Variants in CNIH3 observed in about 807,000 individuals in gnomAD.
CNIH3 encodes protein cornichon homolog 3.
In CNIH3, 14 loss-of-function variants were observed where a neutral mutation model predicts 24.1. That is an observed-to-expected ratio of 0.58 (90% CI 0.38 to 0.91). The LOEUF (loss-of-function observed/expected upper bound fraction) is 0.91, where lower values mean the gene tolerates loss of function less well. Among genes scored for constraint, CNIH3 ranks in the 40% least tolerant of loss-of-function variants. The pLI is 0.00. For missense variants in CNIH3, 178 were observed against 196.8 expected (o/e 0.90, Z 0.57); for synonymous variants, 68 against 73.8 (o/e 0.92, Z 0.40).
At chr1:224,506,893 G>T (rs574082269) in intron 1 of CNIH3, among the ~76,000 whole-genome samples, 88 of 151,830 alleles carry the variant, frequency 5.8e-4, no homozygotes, top group African/African-American at 1.9e-3. Flanking sequence ...TTGAGACAGG[G>T]TCTCTGTCTC....
At chr1:224,577,524 A>G (rs536543750) in intron 4 of CNIH3, among the ~76,000 whole-genome samples, 72 of 152,274 alleles carry the variant, frequency 4.7e-4, no homozygotes, top group Non-Finnish European at 7.1e-4. Flanking sequence ...TTACTCCTGC[A>G]TTTGAATGGC....
chr1:224,718,154 GATA>G (rs1186054311), intron 3 of CNIH3, among the ~76,000 whole-genome samples: 1 of 152,122 alleles, frequency 6.6e-6, no homozygotes, highest in African/African-American at 2.4e-5. Context: ...TACATTTTCA[GATA>G]ATGATGCTGA....
At chr1:224,463,796 T>TTA in intron 1 of CNIH3, among the ~76,000 whole-genome samples, 1 of 126,948 alleles carries the variant, frequency 7.9e-6, no homozygotes, top group Non-Finnish European at 1.6e-5. Flanking sequence ...TTTTTTTTTT[T>TTA]TTTTTTTTTT....
chr1:224,587,693 C>T (rs1031731934), intron 5 of CNIH3, among the ~76,000 whole-genome samples: 1 of 152,174 alleles, frequency 6.6e-6, no homozygotes, highest in African/African-American at 2.4e-5. Context: ...CATCCCAGCA[C>T]TTTGGGAGGC....
intron 3 of CNIH3, among the ~76,000 whole-genome samples, chr1:224,722,298 T>C (rs972658857): frequency 6.6e-6 from 1 of 152,204 alleles, no homozygotes; most frequent in African/African-American, 2.4e-5. Context: ...TCACCTGGAA[T>C]GCTCTGAAAA....
At chr1:224,492,324 C>T (rs966243273) in intron 1 of CNIH3, among the ~76,000 whole-genome samples, 1 of 152,218 alleles carries the variant, frequency 6.6e-6, no homozygotes, top group African/African-American at 2.4e-5. Context: ...TCCTCCCCAA[C>T]CTGTAAAGCA....
chr1:224,492,334 A>G (rs919194309), intron 1 of CNIH3, among the ~76,000 whole-genome samples: 2 of 152,238 alleles, frequency 1.3e-5, no homozygotes, highest in African/African-American at 4.8e-5. Flanking sequence ...CCTGTAAAGC[A>G]TAGTTCTTGT....
intron 1 of CNIH3, among the ~76,000 whole-genome samples, chr1:224,663,576 A>T (rs1377143766): frequency 6.6e-6 from 1 of 152,200 alleles, no homozygotes; most frequent in Non-Finnish European, 1.5e-5. Context: ...ATGTGTATAC[A>T]CACAAACAAT....
At position 224,616,478 on chromosome 1, in the gene CNIH3, CTT is replaced by C. The variant is rs1489303994; in HGVS notation, c.-696_-695del. 5.1e-6 allele frequency: 5 copies of C among 988,004 alleles called. No homozygotes were observed. Among genetic ancestry groups the C allele is most frequent in the Non-Finnish European group, 4.8e-6 (4 of 831,118 alleles). The allele number at this position is 988,004 out of a possible 1,614,324, so 61.2% of individuals were successfully genotyped here. On this transcript the variant is annotated 5_prime_UTR_variant, in exon 1 of 6. Coordinates refer to ENST00000272133, the MANE Select transcript of CNIH3 (RefSeq NM_152495.2). ...GGTCCGACCCCCGGTTTCCGGGACA[CTT>C]GGGTTGCGGAGGCCGGCTGGCCGGA...
chr1:224,620,741 C>T (rs574660792), intron 1 of CNIH3, among the ~76,000 whole-genome samples: 2 of 151,908 alleles, frequency 1.3e-5, no homozygotes, highest in Non-Finnish European at 2.9e-5. Context: ...GGCTCATGCT[C>T]GTAATCCCAG....
intron 1 of CNIH3, among the ~76,000 whole-genome samples, chr1:224,483,551 G>A (rs1405060461): frequency 2.0e-5 from 3 of 151,856 alleles, no homozygotes; most frequent in Admixed American, 1.3e-4. Flanking sequence ...CACCACACCC[G>A]GCTAATTTTT....
At chr1:224,678,769 C>G (rs1337979381) in intron 1 of CNIH3, among the ~76,000 whole-genome samples, 1 of 151,718 alleles carries the variant, frequency 6.6e-6, no homozygotes, top group East Asian at 1.9e-4. Context: ...TTAAATATAT[C>G]TATGAACTGA....
chr1:224,653,176 A>G lies in CNIH3; in HGVS notation c.82-27782A>G, dbSNP rs142198727. ...AGTGGCTCATGCCTGTAATCCCAGC[A>G]CTTTGGGAGGCTGAGGCAGGCGGAT... is the stretch of plus-strand genomic sequence containing the variant. On this transcript the variant is annotated intron_variant, in intron 1 of 5. Transcript: ENST00000272133. Among the ~76,000 whole-genome samples, 836 of 152,306 alleles carry G rather than the reference A, an allele frequency of 5.5e-3. 9 individuals carry two copies. Among genetic ancestry groups the G allele is most frequent in the Middle Eastern group, 0.034 (10 of 294 alleles).
At chr1:224,612,600 A>AT (rs1357963440), upstream of CNIH3, among the ~76,000 whole-genome samples, 4 of 152,212 alleles carry the variant, frequency 2.6e-5, no homozygotes, top group Admixed American at 2.6e-4. This position sits in a 1 kb window ranked among gnomAD's most constrained non-coding sequence, Gnocchi z 4.7. Context: ...CAAATGCTGA[A>AT]TTTGGATTAA....
chr1:224,626,613 C>G (rs1683538007), intron 1 of CNIH3, among the ~76,000 whole-genome samples: 1 of 152,166 alleles, frequency 6.6e-6, no homozygotes, highest in African/African-American at 2.4e-5. Flanking sequence ...GATCCCTGCT[C>G]TAGGGCATGG....
At chr1:224,607,527 T>C (rs557871864) in intron 3 of CNIH3, among the ~76,000 whole-genome samples, 1 of 152,182 alleles carries the variant, frequency 6.6e-6, no homozygotes, top group South Asian at 2.1e-4. Flanking sequence ...TATGCATTCC[T>C]CTGGTCCTCA....
chr1:224,593,474 G>T (rs1292820867), downstream of CNIH3, among the ~76,000 whole-genome samples: 1 of 152,174 alleles, frequency 6.6e-6, no homozygotes, highest in Non-Finnish European at 1.5e-5. Context: ...AAGTCACACA[G>T]CTTGAAAGTG....
chr1:224,483,233 C>T (rs1676883294), intron 1 of CNIH3, among the ~76,000 whole-genome samples: 1 of 152,146 alleles, frequency 6.6e-6, no homozygotes, highest in Non-Finnish European at 1.5e-5. Flanking sequence ...GCCTGTAATC[C>T]TAGCTACTCA....
chr1:224,645,534 G>A (rs950879854), intron 1 of CNIH3, among the ~76,000 whole-genome samples: 2 of 152,238 alleles, frequency 1.3e-5, no homozygotes, highest in African/African-American at 2.4e-5. Context: ...TCCCCATCAC[G>A]TGGTGACACT....
Sources: allele counts gnomAD v4.1 joint callset (sites outside exome capture counted in the v4.1 genomes callset), GRCh38; gene constraint gnomAD v4.1.1; non-coding constraint Gnocchi (gnomAD v3.1); transcripts MANE v1.5; gene names NCBI Gene and HGNC (gene_info 2026-07-23, HGNC 2026-07-21).